Variants in MNS1 observed in about 807,000 individuals in gnomAD.
The protein encoded by MNS1 is meiosis-specific nuclear structural protein 1.
MNS1 carries 63 observed loss-of-function variants against 72.0 expected under a neutral mutation model. That is an observed-to-expected ratio of 0.87 (90% CI 0.71 to 1.08). The LOEUF (loss-of-function observed/expected upper bound fraction) is 1.08. MNS1 is among the 50% of genes least tolerant of loss of function. MNS1 has a pLI of 0.00. For synonymous variants in MNS1, 188 were observed against 172.1 expected, an observed-to-expected ratio of 1.09 and a Z score of -0.72; for missense variants, 604 against 562.4, an observed-to-expected ratio of 1.07 and a Z score of -0.75.
chr15:56,428,979 G>C lies in MNS1; in HGVS notation c.*122C>G. The C allele has an allele frequency of 1.8e-6, 1 of 567,400 alleles. No individual in the cohort carries two copies. The highest frequency in any genetic ancestry group is 3.0e-6 in the Non-Finnish European group (1 of 327,938). 35.1% of individuals were successfully genotyped at this position (567,400 alleles called of 1,614,324 possible). A position where few individuals can be genotyped will look rare whatever the true frequency, so the allele number is the denominator to read the frequency against. ...TTGTTTACAAGTTATGAAATTCAGT[G>C]ATGATTTACAAAATCCAAACAGACA... On this transcript the variant is annotated 3_prime_UTR_variant, in exon 10 of 10. Coordinates refer to ENST00000260453, the MANE Select transcript of MNS1 (RefSeq NM_018365.4).
intron 2 of MNS1, among the ~76,000 whole-genome samples, chr15:56,458,155 G>T (rs1331124740): frequency 6.6e-6 from 1 of 152,104 alleles, no homozygotes; most frequent in African/African-American, 2.4e-5. Context: ...AACATTCTTG[G>T]TACATGTTAT....
At chr15:56,451,698 A>G (rs1411967894) in intron 3 of MNS1, among the ~76,000 whole-genome samples, 11 of 149,332 alleles carry the variant, frequency 7.4e-5, no homozygotes, top group African/African-American at 2.7e-4. Flanking sequence ...AGAAAACCAT[A>G]TGCATTCACA....
chr15:56,452,545 GT>G (rs2050954512), intron 3 of MNS1, among the ~76,000 whole-genome samples: 1 of 147,582 alleles, frequency 6.8e-6, no homozygotes, highest in Non-Finnish European at 1.5e-5. Flanking sequence ...TTGAGACAGA[GT>G]CTCTCTCTGT....
chr15:56,436,946 T>C (rs1168410847), intron 7 of MNS1, among the ~76,000 whole-genome samples: 1 of 152,110 alleles, frequency 6.6e-6, no homozygotes, highest in Non-Finnish European at 1.5e-5. Context: ...GGCTCTGAAA[T>C]TGAGGCAATA....
In MNS1 at chr15:56,464,890, C is replaced by T. The variant is rs1355071467; in HGVS notation, c.3+80G>A. 4.4e-6 allele frequency: 7 copies of T among 1,594,378 alleles called. No homozygotes were observed. In the African/African-American group the frequency reaches 8.1e-5, roughly 18 times the overall value. On this transcript the variant is annotated intron_variant, in intron 1 of 9. Coordinates refer to ENST00000260453, the MANE Select transcript of MNS1 (RefSeq NM_018365.4). ...ATGACCAGATTAAGCACTTAAAATC[C>T]TTTTTTAGAAGCAGATGAGCGCCAA...
chr15:56,460,554 T>G (rs142831270), intron 2 of MNS1, among the ~76,000 whole-genome samples: 1 of 152,342 alleles, frequency 6.6e-6, no homozygotes, highest in Admixed American at 6.5e-5. Context: ...AACTTTTCCA[T>G]GATTTTCATC....
chr15:56,446,242 G>A (rs1314358065), intron 4 of MNS1, among the ~76,000 whole-genome samples: 5 of 151,898 alleles, frequency 3.3e-5, no homozygotes, highest in African/African-American at 9.7e-5. Context: ...GATAATGAGA[G>A]CTCAAGGGAT....
chr15:56,440,880 GACATTTGGGTTATTTCT>G (rs1390357264), intron 7 of MNS1, among the ~76,000 whole-genome samples: 7 of 152,062 alleles, frequency 4.6e-5, no homozygotes, highest in Non-Finnish European at 1.0e-4. Flanking sequence ...TTATCCATTA[GACATTTGGGTTATTTCT>G]ACTTTTGGGT....
chr15:56,456,147 A>G (rs2050980430), intron 3 of MNS1, among the ~76,000 whole-genome samples: 1 of 152,134 alleles, frequency 6.6e-6, no homozygotes, highest in African/African-American at 2.4e-5. Flanking sequence ...TCATTTTAAA[A>G]TTTATGTGTA....
At chr15:56,456,170 G>A (rs2050980575) in intron 3 of MNS1, among the ~76,000 whole-genome samples, 1 of 152,058 alleles carries the variant, frequency 6.6e-6, no homozygotes, top group African/African-American at 2.4e-5. Flanking sequence ...GGAAAGAGCA[G>A]GGGGACTGAT....
chr15:56,464,079 T>G lies in MNS1; in HGVS notation c.172A>C (p.Arg58=). 2 of 1,614,074 alleles carry G rather than the reference T, an allele frequency of 1.2e-6. No homozygotes were observed. The highest frequency in any genetic ancestry group is 1.7e-6 in the Non-Finnish European group (2 of 1,180,010). ...TCAAATTGTTCATTTTGTAATAATC[T>G]GAGAAATTGCTTGCGCTGAACACGG... is the stretch of plus-strand genomic sequence containing the variant. ...DNRVQRKQFL[R]LLQNEQFELD... is the part of the protein sequence containing the mutation. The change falls in exon 2 of 10, where the codon AGA becomes CGA. Residue 58 remains arginine, a synonymous_variant. Coordinates refer to ENST00000260453, the MANE Select transcript of MNS1 (RefSeq NM_018365.4).
At position 56,464,057 on chromosome 15, in the gene MNS1, A is replaced by T. The variant is rs774223791; in HGVS notation, c.194T>A (p.Phe65Tyr). 23 of 1,613,394 alleles carry T rather than the reference A, an allele frequency of 1.4e-5. No individual in the cohort carries two copies. The highest frequency in any genetic ancestry group is 1.9e-5 in the Non-Finnish European group (23 of 1,179,874). Residue 65 changes from phenylalanine to tyrosine, a missense_variant, in exon 2 of 10, where the codon TTT (phenylalanine) becomes TAT (tyrosine). By Grantham distance (22) the Phe-to-Tyr change is conservative. Transcript: ENST00000260453. The part of the protein sequence containing the change: ...QFLRLLQNEQ[F>Y]ELDMEEAIQK... ...AATGGCCTCTTCCATATCCAACTCAAATTGTTCATTTTGTAATAATCTGAG... is the reference window on the plus strand; with the variant it reads ...AATGGCCTCTTCCATATCCAACTCATATTGTTCATTTTGTAATAATCTGAG...
At chr15:56,450,523 T>A (rs2050940524) in intron 3 of MNS1, among the ~76,000 whole-genome samples, 1 of 152,240 alleles carries the variant, frequency 6.6e-6, no homozygotes, top group African/African-American at 2.4e-5. Context: ...TGTCCTTTTG[T>A]GTCTCGCTTA....
intron 7 of MNS1, among the ~76,000 whole-genome samples, chr15:56,438,914 C>G (rs1308447765): frequency 6.6e-6 from 1 of 151,958 alleles, no homozygotes; most frequent in Non-Finnish European, 1.5e-5. Flanking sequence ...TCTCATCACT[C>G]TTCTTCAACA....
rs757326411 is a variant in MNS1 at position 56,434,380 on chromosome 15, T to C, written c.1027A>G (p.Lys343Glu). 6.2e-7 allele frequency: 1 copy of C among 1,611,580 alleles called. No homozygotes were observed. Among genetic ancestry groups the C allele is most frequent in the Admixed American group, 1.7e-5 (1 of 59,802 alleles). ...KSKLKEEAEK[K>E]LRKQKEMKQD... ...TTCATCTCTTTTTGCTTTCTCAATT[T>C]CTTTTCTGCTTCTTCCTAAACAATA... Residue 343 changes from lysine to glutamate, a missense_variant, in exon 8 of 10, where the codon AAA becomes GAA. Lys to Glu is a moderately conservative substitution (Grantham distance 56). Transcript: ENST00000260453.
chr15:56,439,727 A>G (rs921949853), intron 7 of MNS1, among the ~76,000 whole-genome samples: 4 of 151,404 alleles, frequency 2.6e-5, no homozygotes, highest in Admixed American at 6.6e-5. Context: ...CAGATCACAG[A>G]TTGAAATGTA....
At chr15:56,438,435 A>G (rs193125600) in intron 7 of MNS1, among the ~76,000 whole-genome samples, 8 of 152,304 alleles carry the variant, frequency 5.3e-5, no homozygotes, top group African/African-American at 1.9e-4. Flanking sequence ...AAAACTGGCT[A>G]GCCATAGGTA....
Position 56,429,175 on chromosome 15 carries a change from C to T in MNS1, c.1414G>A (p.Asp472Asn), listed in dbSNP as rs564126888. The T allele has an allele frequency of 9.4e-6, 15 of 1,594,666 alleles. No individual in the cohort carries two copies. The highest frequency in any genetic ancestry group is 1.4e-5 in the African/African-American group (1 of 73,812). Residue 472 changes from aspartate to asparagine, a missense_variant, in exon 10 of 10, where the codon GAT (aspartate) becomes AAT (asparagine). Physicochemically the swap from Asp to Asn is conservative, Grantham distance 23. Transcript: ENST00000260453. ...TCTTCACCAAGCAGATCAATATCAT[C>T]CTCTTTTTTAAATACTCCCTACGAG... ...YLPKGVFKKE[D>N]DIDLLGEEFR...
chr15:56,465,024 G>T lies in MNS1; in HGVS notation c.-52C>A, dbSNP rs780158876. ...CGTGGGACCGCGGCCACCACCTCCC[G>T]CCGCAAACGCAGCAGCCAGCAGCCC... On this transcript the variant is annotated 5_prime_UTR_variant, in exon 1 of 10. Coordinates refer to ENST00000260453, the MANE Select transcript of MNS1 (RefSeq NM_018365.4). 6.3e-7 allele frequency: 1 copy of T among 1,593,042 alleles called. No individual in the cohort carries two copies. The highest frequency in any genetic ancestry group is 1.1e-5 in the South Asian group (1 of 88,096).
Sources: allele counts gnomAD v4.1 joint callset (sites outside exome capture counted in the v4.1 genomes callset), GRCh38; gene constraint gnomAD v4.1.1; transcripts MANE v1.5; gene names NCBI Gene and HGNC (gene_info 2026-07-23, HGNC 2026-07-21).